The following MAGEA11 variants were observed in gnomAD, a reference collection of about 807,000 sequenced individuals.
MAGEA11 encodes MAGE family member A11, also known as melanoma-associated antigen 11.
Under a neutral mutation model 8.4 loss-of-function variants are expected in MAGEA11, and 1 was observed. The ratio of observed to expected loss-of-function variants is 0.12; its 90% CI spans 0.04 to 0.57. The LOEUF is 0.57. Ranked by LOEUF, MAGEA11 falls within the 20% of genes least tolerant of loss-of-function variation. The pLI is 0.91. For synonymous variants in MAGEA11, 127 were observed against 119.3 expected, an observed-to-expected ratio of 1.06 and a Z score of -0.42; for missense variants, 209 against 317.3, an observed-to-expected ratio of 0.66 and a Z score of 2.59.
intron 1 of MAGEA11, among the ~76,000 whole-genome samples, chrX:149,690,817 T>C (rs1237477452): frequency 8.9e-6 from 1 of 111,901 alleles, no homozygotes; most frequent in Admixed American, 9.5e-5. Flanking sequence ...TTAACATTTC[T>C]TCTAGTGCAC....
At chrX:149,704,767 T>TGTGTACCTGCCTGGCC (rs1203836040) in intron 1 of MAGEA11, among the ~76,000 whole-genome samples, 1 of 112,536 alleles carries the variant, frequency 8.9e-6, no homozygotes, top group African/African-American at 3.2e-5. Flanking sequence ...CCTGCCTTGC[T>TGTGTACCTGCCTGGCC]GTGTACCTGC....
chrX:149,704,907 A>G (rs1487927109), intron 1 of MAGEA11, among the ~76,000 whole-genome samples: 1 of 112,930 alleles, frequency 8.9e-6, no homozygotes, highest in Non-Finnish European at 1.9e-5. Flanking sequence ...CTCATGAGAC[A>G]TGTGGACTCT....
chrX:149,693,347 G>C (rs924922221), intron 1 of MAGEA11, among the ~76,000 whole-genome samples: 57 of 111,353 alleles, frequency 5.1e-4, no homozygotes, highest in Admixed American at 1.5e-3. Flanking sequence ...TAGTTTAGCC[G>C]GGTTTAGGCT....
chrX:149,715,964 C>G lies in MAGEA11; in HGVS notation c.478C>G (p.Leu160Val). The G allele has an allele frequency of 8.3e-7, 1 of 1,211,447 alleles. No homozygotes were observed. Residue 160 changes from leucine (L) to valine (V), a missense_variant, in exon 5 of 5, where the codon CTA (leucine) becomes GTA (valine). By Grantham distance (32) the Leu-to-Val change is conservative. Coordinates refer to ENST00000355220, the MANE Select transcript of MAGEA11 (RefSeq NM_005366.5). ...FFSSTLNVGT[L>V]EELPAAESPS... Reference sequence around the variant, plus strand: ...CTCCTCTACTCTGAATGTGGGCACTCTAGAGGAGTTGCCTGCTGCTGAGTC... The same window carrying G: ...CTCCTCTACTCTGAATGTGGGCACTGTAGAGGAGTTGCCTGCTGCTGAGTC...
chrX:149,698,321 TTC>T (rs2090338286), intron 1 of MAGEA11, among the ~76,000 whole-genome samples: 1 of 111,829 alleles, frequency 8.9e-6, no homozygotes, highest in African/African-American at 3.3e-5. Context: ...GTTGAATTAT[TTC>T]TTTTTTAATT....
upstream of MAGEA11, among the ~76,000 whole-genome samples, chrX:149,711,156 G>T (rs781832918): frequency 2.1e-4 from 23 of 111,935 alleles, no homozygotes; most frequent in Non-Finnish European, 4.1e-4. Context: ...AGTAAATAAA[G>T]ATTGGCTTTT....
At chrX:149,705,906 T>G (rs782715724) in intron 1 of MAGEA11, among the ~76,000 whole-genome samples, 21 of 108,473 alleles carry the variant, frequency 1.9e-4, no homozygotes, top group African/African-American at 6.6e-4. Context: ...GCTCTAGCCC[T>G]GCAACACTTA....
upstream of MAGEA11, chrX:149,688,717 C>G (rs868938826): frequency 5.0e-6 from 1 of 201,906 alleles, no homozygotes; most frequent in African/African-American, 3.8e-5. Flanking sequence ...TACACATACA[C>G]ATACATATAC....
intron 1 of MAGEA11, 48 bp from the exon 2 acceptor site, chrX:149,713,095 C>A (rs782478542): frequency 7.0e-6 from 6 of 862,007 alleles, no homozygotes; most frequent in South Asian, 2.1e-5. Context: ...CCAGAACAGC[C>A]CCCCCCCATA....
Position 149,716,067 on chromosome X carries a change from A to G in MAGEA11, c.581A>G (p.Asp194Gly), listed in dbSNP as rs370362756. 36 of 1,210,275 alleles carry G rather than the reference A, an allele frequency of 3.0e-5. No individual in the cohort carries two copies. Among genetic ancestry groups the G allele is most frequent in the Non-Finnish European group, 3.8e-5 (34 of 895,274 alleles). Residue 194 changes from aspartate (D) to glycine (G), a missense_variant, in exon 5 of 5, where the codon GAT becomes GGT. Transcript: ENST00000355220. ...AMDAIFGSLSDEGSGSQEKEG... is the reference protein window; with the variant it reads ...AMDAIFGSLSGEGSGSQEKEG... ...GATGCCATCTTTGGGAGCCTATCTG[A>G]TGAGGGCTCTGGCAGCCAAGAAAAG... is the stretch of plus-strand genomic sequence containing the variant.
chrX:149,711,705 G>C, upstream of MAGEA11: 1 of 362,730 alleles, frequency 2.8e-6, no homozygotes, highest in Non-Finnish European at 3.6e-6. Flanking sequence ...TGTCAGCCCC[G>C]GAAGACCTTG....
chrX:149,690,394 A>G (rs1342871559), intron 1 of MAGEA11, among the ~76,000 whole-genome samples: 2 of 112,618 alleles, frequency 1.8e-5, no homozygotes, highest in African/African-American at 3.2e-5. Context: ...ATAATAAACG[A>G]TGAGTGTTTT....
rs180970560 is a variant in MAGEA11, at chrX:149,703,313, C to T, written c.10-11168C>T. Among the ~76,000 whole-genome samples the T allele has an allele frequency of 8.0e-5, 9 of 112,512 alleles. No individual in the cohort carries two copies. In the East Asian group the frequency reaches 1.9e-3, roughly 24 times the overall value. Reference sequence around the variant, plus strand: ...AATACAAAAACATTTGTGCAAGGAACAATGTACTTTTTAAAATAACCATTG... The same window carrying T: ...AATACAAAAACATTTGTGCAAGGAATAATGTACTTTTTAAAATAACCATTG... On this transcript the variant is annotated intron_variant, in intron 1 of 3. Transcript: ENST00000333104.
upstream of MAGEA11, among the ~76,000 whole-genome samples, chrX:149,709,558 A>T (rs1005836574): frequency 8.9e-6 from 1 of 112,108 alleles, no homozygotes; most frequent in African/African-American, 3.2e-5. Context: ...CATGAAAAGA[A>T]CACTTAAACC....
At chrX:149,713,567 A>G (rs2090412977) in intron 2 of MAGEA11, 4 of 230,041 alleles carry the variant, frequency 1.7e-5, no homozygotes. Flanking sequence ...ACAGTTCAGC[A>G]GGAGAGACAT....
chrX:149,716,969 T>G lies in MAGEA11; in HGVS notation c.*193T>G. 2.7e-6 allele frequency: 1 copy of G among 366,171 alleles called. No homozygotes were observed. 30.2% of individuals were successfully genotyped at this position (366,171 alleles called of 1,213,427 possible). On this transcript the variant is annotated 3_prime_UTR_variant, in exon 5 of 5. Transcript: ENST00000355220. ...AACACATTGTATACTGCCTTTAGGT[T>G]TCTCTTCCATCGGGTGACTTGGAGA...
At chrX:149,714,080 G>T (rs2090415157) in intron 2 of MAGEA11, 1 of 125,225 alleles carries the variant, frequency 8.0e-6, no homozygotes, top group Non-Finnish European at 1.6e-5. Flanking sequence ...GGAGTCCCAG[G>T]ATCTTTAGGA....
upstream of MAGEA11, among the ~76,000 whole-genome samples, chrX:149,710,300 A>G (rs1194225403): frequency 8.9e-6 from 1 of 112,658 alleles, no homozygotes; most frequent in Non-Finnish European, 1.9e-5. Flanking sequence ...AAGAGCACCC[A>G]AATAAACAAG....
intron 1 of MAGEA11, among the ~76,000 whole-genome samples, chrX:149,704,090 A>G (rs782214134): frequency 8.9e-6 from 1 of 112,438 alleles, no homozygotes; most frequent in East Asian, 2.8e-4. Context: ...CTATTGCCCT[A>G]TCAATATGCC....
Sources: gnomAD v4.1 joint callset for allele counts (sites outside exome capture counted in the v4.1 genomes callset) on GRCh38, gnomAD v4.1.1 for gene constraint, MANE v1.5 for transcripts, NCBI Gene and HGNC (gene_info 2026-07-23, HGNC 2026-07-21) for gene names.